Variants in PRRC2C observed in about 807,000 individuals in gnomAD.
PRRC2C encodes protein PRRC2C.
Under a neutral mutation model 317.2 loss-of-function variants are expected in PRRC2C, and 72 were observed. The ratio of observed to expected loss-of-function variants is 0.23; its 90% CI spans 0.19 to 0.28. The LOEUF (loss-of-function observed/expected upper bound fraction) is 0.28, where lower values mean the gene tolerates loss of function less well. PRRC2C is among the 10% of genes least tolerant of loss of function. PRRC2C has a pLI of 1.00. For synonymous variants in PRRC2C, 1,296 were observed against 1,205.9 expected, an observed-to-expected ratio of 1.07 and a Z score of -1.55; for missense variants, 3,074 against 3,459.7, an observed-to-expected ratio of 0.89 and a Z score of 2.80.
At chr1:171,580,708 G>A (rs550351816) in intron 28 of PRRC2C, among the ~76,000 whole-genome samples, 1 of 152,250 alleles carries the variant, frequency 6.6e-6, no homozygotes, top group South Asian at 2.1e-4. Flanking sequence ...AGTGTCTCTG[G>A]TTTCCAGTTT....
chr1:171,585,017 T>C lies in PRRC2C; in HGVS notation c.7749+491T>C, dbSNP rs149905775. ...ATCTTGAACTACTGGTTTCAAGCGA[T>C]CTGCCTGCCTCGGCCTTCCAAAGTG... On this transcript the variant is annotated intron_variant, in intron 30 of 34. Coordinates refer to ENST00000647382, the MANE Select transcript of PRRC2C (RefSeq NM_001387844.1). 3.3e-3 allele frequency among the ~76,000 whole-genome samples: 498 copies of C among 152,302 alleles called. 5 individuals are homozygous for C. Among genetic ancestry groups the C allele is most frequent in the African/African-American group, 0.011 (475 of 41,574 alleles).
At chr1:171,562,251 A>AGGAAGT (rs1481890127) in intron 20 of PRRC2C, among the ~76,000 whole-genome samples, 14 of 152,202 alleles carry the variant, frequency 9.2e-5, no homozygotes, top group Admixed American at 7.2e-4. Context: ...GGTTTGTTTG[A>AGGAAGT]GGAAGTTCAG....
intron 13 of PRRC2C, 79 bp from the exon 14 acceptor site, chr1:171,535,950 A>T: frequency 6.7e-7 from 1 of 1,496,246 alleles, no homozygotes; most frequent in African/African-American, 1.4e-5. Context: ...AAAACAGGCC[A>T]TTATTTTGTG....
rs1031519922 is a variant in PRRC2C at position 171,592,951 on chromosome 1, T to G, written c.*1104T>G. On this transcript the variant is annotated 3_prime_UTR_variant, in exon 35 of 35. Transcript: ENST00000647382. ...CATACCTCTGTGAATGTAAAATATCTTGTACCTGCTTTATGATACGTAGTA... is the reference window on the plus strand; with the variant it reads ...CATACCTCTGTGAATGTAAAATATCGTGTACCTGCTTTATGATACGTAGTA... 3 of 152,160 alleles carry G rather than the reference T, an allele frequency of 2.0e-5. No individual in the cohort carries two copies. The highest frequency in any genetic ancestry group is 7.2e-5 in the African/African-American group (3 of 41,446). The allele number at this position is 152,160 out of a possible 1,614,324, so 9.4% of individuals were successfully genotyped here.
rs779831195 is a variant in PRRC2C, at chr1:171,575,178, T to C, written c.6955+50T>C. On this transcript the variant is annotated intron_variant, in intron 25 of 34. Transcript: ENST00000647382. ...TTAAATATCTTACATTATTTAAAAT[T>C]TTTTATGATCTCTTCTTGTTTACTA... 4 of 1,464,602 alleles carry C rather than the reference T, an allele frequency of 2.7e-6. No individual in the cohort carries two copies. The South Asian group carries it at 5.0e-5, about 18-fold the overall frequency. 90.7% of individuals were successfully genotyped at this position (1,464,602 alleles called of 1,614,324 possible).
rs1386547269 is a variant in PRRC2C at position 171,517,651 on chromosome 1, A to G, written c.587A>G (p.Asp196Gly). The G allele has an allele frequency of 1.9e-6, 3 of 1,612,936 alleles. No homozygotes were observed. The highest frequency in any genetic ancestry group is 2.7e-5 in the African/African-American group (2 of 74,554). The change falls in exon 6 of 35, where the codon GAT becomes GGT. Residue 196 changes from aspartate to glycine, a missense_variant. Coordinates refer to ENST00000647382, the MANE Select transcript of PRRC2C (RefSeq NM_001387844.1). ...AAGSPSSSDQ[D>G]EKLPGQDEST... is the part of the protein sequence containing the mutation. Reference sequence around the variant, plus strand: ...GGCTCACCTTCGTCATCTGATCAAGATGAAAAGCTCCCTGGCCAGGATGAA... The same window carrying G: ...GGCTCACCTTCGTCATCTGATCAAGGTGAAAAGCTCCCTGGCCAGGATGAA...
At chr1:171,500,332 C>T (rs778373097) in intron 1 of PRRC2C, among the ~76,000 whole-genome samples, 8 of 152,168 alleles carry the variant, frequency 5.3e-5, no homozygotes, top group Non-Finnish European at 7.4e-5. Context: ...GAGACCATAG[C>T]TAATCTCTTT....
intron 3 of PRRC2C, chr1:171,513,513 A>T: frequency 4.4e-6 from 2 of 457,392 alleles, no homozygotes; most frequent in Non-Finnish European, 8.7e-6. Flanking sequence ...GATACTAAGG[A>T]TGTCTGTCTG....
chr1:171,591,886 G>GCCCCC lies in PRRC2C; in HGVS notation c.*39_*40insCCCCC. Reference sequence around the variant, plus strand: ...TTGCAGGGGATTGGGAGGGGGGCGGGAAAACATGGAGAATTAAGTCAGATA... The same window carrying GCCCCC: ...TTGCAGGGGATTGGGAGGGGGGCGGGCCCCCAAAACATGGAGAATTAAGTCAGATA... On this transcript the variant is annotated 3_prime_UTR_variant, in exon 35 of 35. Coordinates refer to ENST00000647382, the MANE Select transcript of PRRC2C (RefSeq NM_001387844.1). 6 of 475,608 alleles carry GCCCCC rather than the reference G, an allele frequency of 1.3e-5. No homozygotes were observed. The highest frequency in any genetic ancestry group is 6.2e-5 in the East Asian group (1 of 16,260). The allele number at this position is 475,608 out of a possible 1,614,324, so 29.5% of individuals were successfully genotyped here.
intron 20 of PRRC2C, among the ~76,000 whole-genome samples, chr1:171,563,620 AT>A (rs567626657): frequency 7.3e-5 from 11 of 151,670 alleles, no homozygotes; most frequent in African/African-American, 2.2e-4. Context: ...GTGCTAAAAG[AT>A]TTTTTTTTCT....
In PRRC2C at chr1:171,536,178, T is replaced by G; in HGVS notation, c.2193T>G (p.Ala731=). The G allele has an allele frequency of 6.2e-7, 1 of 1,612,800 alleles. No homozygotes were observed. ...QPMQPHPQHL[A]SMGFDPRWLM... ...TGCAGCCTCATCCTCAGCATTTGGC[T>G]TCTATGGGTTTTGATCCAAGGTGGC... Residue 731 remains alanine (A), a synonymous_variant, in exon 14 of 35, where the codon GCT becomes GCG. Coordinates refer to ENST00000647382, the MANE Select transcript of PRRC2C (RefSeq NM_001387844.1).
intron 2 of PRRC2C, 60 bp downstream of exon 2, chr1:171,512,260 A>AG: frequency 3.4e-6 from 4 of 1,186,076 alleles, no homozygotes; most frequent in Non-Finnish European, 4.9e-6. Context: ...TATAAGTGAT[A>AG]CACCTGCTGC....
At chr1:171,563,660 T>A (rs1241056838) in intron 20 of PRRC2C, among the ~76,000 whole-genome samples, 1 of 152,200 alleles carries the variant, frequency 6.6e-6, no homozygotes, top group African/African-American at 2.4e-5. Context: ...TACTTCTGTC[T>A]CCACTCCAGT....
chr1:171,566,141 CCTT>C (rs1683614608), intron 20 of PRRC2C, 89 bp from the exon 21 acceptor site: 1 of 1,005,890 alleles, frequency 9.9e-7, no homozygotes, highest in Admixed American at 2.8e-5. Context: ...TTGTCTTAAA[CCTT>C]CTATTGTACT....
chr1:171,513,897 A>G (rs761645528), intron 3 of PRRC2C, among the ~76,000 whole-genome samples: 5 of 152,356 alleles, frequency 3.3e-5, no homozygotes, highest in Middle Eastern at 3.4e-3. Context: ...AAATTATTTT[A>G]TAGTAATGAG....
Position 171,517,740 on chromosome 1 carries a change from G to A in PRRC2C, c.676G>A (p.Gly226Ser). The change falls in exon 6 of 35, where the codon GGT becomes AGT. Residue 226 changes from glycine (G) to serine (S), a missense_variant. Coordinates refer to ENST00000647382, the MANE Select transcript of PRRC2C (RefSeq NM_001387844.1). ...LKVVEKRIAC[G>S]PPQAKLNGQQ... is the part of the protein sequence containing the mutation. ...AGTGGTGGAAAAGAGGATAGCTTGTGGTCCTCCACAGGCTAAACTGAATGG... is the reference window on the plus strand; with the variant it reads ...AGTGGTGGAAAAGAGGATAGCTTGTAGTCCTCCACAGGCTAAACTGAATGG... The A allele has an allele frequency of 6.2e-7, 1 of 1,613,768 alleles. No individual in the cohort carries two copies. Among genetic ancestry groups the A allele is most frequent in the African/African-American group, 1.3e-5 (1 of 74,968 alleles).
intron 20 of PRRC2C, among the ~76,000 whole-genome samples, chr1:171,562,903 G>C (rs1356760110): frequency 6.6e-6 from 1 of 152,120 alleles, no homozygotes; most frequent in Non-Finnish European, 1.5e-5. Context: ...ATTAAGTCTT[G>C]GGGCTTTCTG....
At chr1:171,486,107 C>CTTTTTT (rs34040896) in intron 1 of PRRC2C, among the ~76,000 whole-genome samples, 2 of 95,596 alleles carry the variant, frequency 2.1e-5, no homozygotes, top group African/African-American at 3.9e-5. Context: ...GACGTGAAGT[C>CTTTTTT]TTTTTTTTTT....
intron 30 of PRRC2C, among the ~76,000 whole-genome samples, chr1:171,585,962 T>C (rs1345984753): frequency 1.3e-5 from 2 of 151,916 alleles, no homozygotes; most frequent in African/African-American, 2.4e-5. Flanking sequence ...TTTATACATA[T>C]AACCTGAAGG....
Sources: allele counts gnomAD v4.1 joint callset (sites outside exome capture counted in the v4.1 genomes callset), GRCh38; gene constraint gnomAD v4.1.1; transcripts MANE v1.5; gene names NCBI Gene and HGNC (gene_info 2026-07-23, HGNC 2026-07-21).